The following GAB1 variants were observed in gnomAD, a reference collection of about 807,000 sequenced individuals.
The protein encoded by GAB1 is GRB2 associated binding protein 1.
In GAB1, 19 loss-of-function variants were observed where a neutral mutation model predicts 66.5. The ratio of observed to expected loss-of-function variants is 0.29; its 90% CI spans 0.20 to 0.42. The LOEUF (loss-of-function observed/expected upper bound fraction) is 0.42. Ranked by LOEUF, GAB1 falls within the 10% of genes least tolerant of loss-of-function variation. GAB1 has a pLI of 1.00. For synonymous variants in GAB1, 294 were observed against 301.4 expected (o/e 0.98, Z 0.25); for missense variants, 732 against 858.5 (o/e 0.85, Z 1.84).
chr4:143,443,014 C>CTT (rs755148605), intron 6 of GAB1, among the ~76,000 whole-genome samples: 2,888 of 126,726 alleles, frequency 0.023, 190 homozygotes, highest in African/African-American at 0.082. Flanking sequence ...TACTATTTTA[C>CTT]TTTTTTTTTT....
intron 1 of GAB1, among the ~76,000 whole-genome samples, chr4:143,361,408 C>A (rs969149743): frequency 6.6e-6 from 1 of 152,104 alleles, no homozygotes; most frequent in Admixed American, 6.6e-5. Context: ...CTCTGCAGAT[C>A]TTATAGTGGC....
chr4:143,412,194 G>A (rs1298284262), intron 1 of GAB1, among the ~76,000 whole-genome samples: 4 of 152,122 alleles, frequency 2.6e-5, no homozygotes, highest in South Asian at 2.1e-4. Flanking sequence ...ACAGTTAGCC[G>A]GAAAACAAAG....
chr4:143,455,154 C>A (rs1308320323), intron 6 of GAB1, among the ~76,000 whole-genome samples: 1 of 152,074 alleles, frequency 6.6e-6, no homozygotes, highest in Non-Finnish European at 1.5e-5. Flanking sequence ...ATAGGGAAAT[C>A]ATTAGCATTT....
chr4:143,458,219 T>C (rs1033817163), intron 6 of GAB1, among the ~76,000 whole-genome samples: 3 of 152,146 alleles, frequency 2.0e-5, no homozygotes, highest in African/African-American at 7.2e-5. Flanking sequence ...CATTAACAGT[T>C]AAAGAAATAC....
intron 1 of GAB1, among the ~76,000 whole-genome samples, chr4:143,362,375 T>C (rs1729697989): frequency 6.6e-6 from 1 of 151,888 alleles, no homozygotes; most frequent in South Asian, 2.1e-4. Context: ...TCGAGACAAA[T>C]CTGTGGAGTA....
At chr4:143,365,068 G>A (rs533620901) in intron 1 of GAB1, among the ~76,000 whole-genome samples, 15 of 151,414 alleles carry the variant, frequency 9.9e-5, no homozygotes, top group African/African-American at 3.4e-4. Context: ...TAGTAGAGAC[G>A]GGGTTTCACC....
At chr4:143,426,136 C>T in intron 2 of GAB1, 1 of 431,494 alleles carries the variant, frequency 2.3e-6, no homozygotes, top group South Asian at 3.3e-5. Context: ...TTTACTCAGG[C>T]CAGATTCTCT....
intron 1 of GAB1, among the ~76,000 whole-genome samples, chr4:143,412,356 A>T (rs1732442621): frequency 6.6e-6 from 1 of 152,148 alleles, no homozygotes; most frequent in Non-Finnish European, 1.5e-5. Context: ...CTTTTTCTCA[A>T]GTGGAAGATG....
chr4:143,352,926 G>A (rs1413726766), intron 1 of GAB1, among the ~76,000 whole-genome samples: 1 of 152,130 alleles, frequency 6.6e-6, no homozygotes, highest in Non-Finnish European at 1.5e-5. Context: ...CTCCAAAGAC[G>A]ACATATTGAG....
In GAB1 at chr4:143,377,298, G is replaced by T. The variant is rs559165414; in HGVS notation, c.73-38179G>T. On this transcript the variant is annotated intron_variant, in intron 1 of 9. Transcript: ENST00000262994. ...CCTGTTTCTTTTAATAGACATAGTGGTTGCAACAATGCTTTGATTAGTTCC... is the reference window on the plus strand; with the variant it reads ...CCTGTTTCTTTTAATAGACATAGTGTTTGCAACAATGCTTTGATTAGTTCC... Among the ~76,000 whole-genome samples, 9 of 152,242 alleles carry T rather than the reference G, an allele frequency of 5.9e-5. No homozygotes were observed. In the East Asian group the frequency reaches 9.6e-4, roughly 16 times the overall value.
chr4:143,378,629 G>GTCTCTCTCTCTCTCTCTCTCTCTC (rs3049720), intron 1 of GAB1, among the ~76,000 whole-genome samples: 1 of 129,150 alleles, frequency 7.7e-6, no homozygotes, highest in African/African-American at 3.0e-5. Flanking sequence ...CTTCCAAAGT[G>GTCTCTCTCTCTCTCTCTCTCTCTC]TCTCTCTCTC....
rs1234157542 is a variant in GAB1 at position 143,350,251 on chromosome 4, CAGAA to C, written c.72+12993_72+12996del. 24 of 595,808 alleles carry C rather than the reference CAGAA, an allele frequency of 4.0e-5. No individual in the cohort carries two copies. In the Admixed American group the frequency reaches 5.9e-4, roughly 15 times the overall value. The allele number at this position is 595,808 out of a possible 1,614,324, so 36.9% of individuals were successfully genotyped here. On this transcript the variant is annotated intron_variant, in intron 1 of 9. Transcript: ENST00000262994. ...GGATACGTTGGCCCTGTTAAATGAA[CAGAA>C]ATACTTTTAAGATAAAGTTGACAGC... is the stretch of plus-strand genomic sequence containing the variant.
At chr4:143,468,927 A>G (rs1735944203) in intron 9 of GAB1, 104 bp from the exon 10 acceptor site, 3 of 1,280,918 alleles carry the variant, frequency 2.3e-6, no homozygotes, top group Non-Finnish European at 3.2e-6. Context: ...CCTTCTCAAA[A>G]AAAAAAAGTA....
chr4:143,447,472 G>T (rs1208394012), intron 6 of GAB1, among the ~76,000 whole-genome samples: 4 of 152,054 alleles, frequency 2.6e-5, no homozygotes, highest in African/African-American at 4.8e-5. Context: ...TTATTTCTTT[G>T]AGCAGTGGTT....
At chr4:143,429,716 C>G (rs1733550467) in intron 2 of GAB1, among the ~76,000 whole-genome samples, 1 of 150,890 alleles carries the variant, frequency 6.6e-6, no homozygotes, top group African/African-American at 2.4e-5. Context: ...GGGAAGCATA[C>G]CTTTCTAGTC....
At chr4:143,426,909 A>C (rs147464517) in intron 2 of GAB1, among the ~76,000 whole-genome samples, 1 of 152,282 alleles carries the variant, frequency 6.6e-6, no homozygotes, top group African/African-American at 2.4e-5. Flanking sequence ...CAGATATTTC[A>C]CCTCTCTATG....
intron 2 of GAB1, among the ~76,000 whole-genome samples, chr4:143,428,130 C>T (rs1255487590): frequency 1.3e-5 from 2 of 152,172 alleles, no homozygotes; most frequent in African/African-American, 4.8e-5. Context: ...AACCTTTATC[C>T]GTGAAAGGAG....
chr4:143,348,159 C>T (rs1036533851), intron 1 of GAB1, among the ~76,000 whole-genome samples: 5 of 152,198 alleles, frequency 3.3e-5, no homozygotes, highest in Non-Finnish European at 5.9e-5. Flanking sequence ...AACTTATACA[C>T]AAACATTATT....
intron 1 of GAB1, among the ~76,000 whole-genome samples, chr4:143,339,341 T>G (rs1282787673): frequency 2.0e-5 from 3 of 152,196 alleles, no homozygotes; most frequent in Non-Finnish European, 2.9e-5. Context: ...CGAAACTCTG[T>G]CTCTACTAAA....
Sources: gnomAD v4.1 joint callset for allele counts (sites outside exome capture counted in the v4.1 genomes callset) on GRCh38, gnomAD v4.1.1 for gene constraint, MANE v1.5 for transcripts, NCBI Gene and HGNC (gene_info 2026-07-23, HGNC 2026-07-21) for gene names.